Variants in SNTG1 observed in about 807,000 individuals in gnomAD.
SNTG1 encodes the protein syntrophin gamma 1, also known as gamma-1-syntrophin.
A neutral mutation model predicts 74.7 loss-of-function variants in SNTG1; 39 were observed. That is an observed-to-expected ratio of 0.52 (90% CI 0.40 to 0.68). The LOEUF is 0.68. SNTG1 is among the 30% of genes least tolerant of loss of function. The probability of loss-of-function intolerance (pLI) is 0.00; values close to 1 mark genes in which losing one functional copy is unlikely to be tolerated. For missense variants in SNTG1, 685 were observed against 609.5 expected (o/e 1.12, Z -1.30); for synonymous variants, 254 against 217.1 (o/e 1.17, Z -1.49).
chr8:50,214,243 C>T (rs1387579776), intron 2 of SNTG1, among the ~76,000 whole-genome samples: 3 of 116,188 alleles, frequency 2.6e-5, no homozygotes, highest in African/African-American at 6.9e-5. Context: ...GAACATCACA[C>T]TCTGGGGACT....
intron 1 of SNTG1, among the ~76,000 whole-genome samples, chr8:49,925,415 T>G (rs1246371071): frequency 6.6e-6 from 1 of 152,116 alleles, no homozygotes; most frequent in Non-Finnish European, 1.5e-5. Flanking sequence ...CACCAGTTTT[T>G]ACCTGAACTA....
intron 2 of SNTG1, among the ~76,000 whole-genome samples, chr8:50,300,530 ATTC>A (rs1209094610): frequency 6.6e-6 from 1 of 152,172 alleles, no homozygotes; most frequent in Non-Finnish European, 1.5e-5. Context: ...TAAAATTGGT[ATTC>A]TTCTAATAAA....
At chr8:50,670,775 C>T (rs1297912684) in intron 15 of SNTG1, among the ~76,000 whole-genome samples, 7 of 149,698 alleles carry the variant, frequency 4.7e-5, no homozygotes, top group Admixed American at 2.7e-4. Context: ...AGGCATCACG[C>T]TACCTGACTT....
chr8:50,521,030 C>A (rs1446134581), intron 9 of SNTG1, among the ~76,000 whole-genome samples: 1 of 152,164 alleles, frequency 6.6e-6, no homozygotes, highest in Non-Finnish European at 1.5e-5. Flanking sequence ...CCCAACTGCC[C>A]ATCAGTGATA....
intron 1 of SNTG1, among the ~76,000 whole-genome samples, chr8:50,073,604 C>T (rs937924166): frequency 2.6e-5 from 4 of 152,048 alleles, no homozygotes; most frequent in Non-Finnish European, 5.9e-5. Flanking sequence ...CAAAATCCAG[C>T]AGAAGAATCA....
At position 50,402,314 on chromosome 8, in the gene SNTG1, A is replaced by G. The variant is rs2092817077; in HGVS notation, c.132A>G (p.Ile44Met). 6.2e-7 allele frequency: 1 copy of G among 1,611,242 alleles called. No individual in the cohort carries two copies. The highest frequency in any genetic ancestry group is 1.7e-5 in the Admixed American group (1 of 59,328). ...TGATGATCCAGGAACAGGATGTGAT[A>G]TGTGTGTCTGGTGAGCCTTTCTATT... Reference protein sequence around the residue: ...DILMIQEQDVICVSGEPFYSG... With the variant: ...DILMIQEQDVMCVSGEPFYSG... Residue 44 changes from isoleucine (I) to methionine (M), a missense_variant, in exon 4 of 19, where the codon ATA becomes ATG. Transcript: ENST00000642720.
At chr8:49,944,413 A>ATTCTTTCT (rs4006377) in intron 1 of SNTG1, among the ~76,000 whole-genome samples, 6 of 151,708 alleles carry the variant, frequency 4.0e-5, no homozygotes, top group Admixed American at 1.3e-4. Flanking sequence ...CATAACATAC[A>ATTCTTTCT]TTCTTTCTTT....
At chr8:50,763,648 TTGTG>T (rs141415804) in intron 18 of SNTG1, among the ~76,000 whole-genome samples, 10,620 of 116,918 alleles carry the variant, frequency 0.091, 534 homozygotes, top group African/African-American at 0.14. Context: ...ATTGCCTTTA[TTGTG>T]TGTGTGTGTG....
At chr8:50,779,972 T>C (rs1265098388) in intron 18 of SNTG1, among the ~76,000 whole-genome samples, 3 of 152,280 alleles carry the variant, frequency 2.0e-5, no homozygotes, top group East Asian at 3.9e-4. Context: ...ATGTGGTTTT[T>C]GTCTTTGGTT....
At chr8:50,085,117 C>A (rs1339557951) in intron 1 of SNTG1, among the ~76,000 whole-genome samples, 1 of 152,166 alleles carries the variant, frequency 6.6e-6, no homozygotes, top group Non-Finnish European at 1.5e-5. Context: ...GTAATCCTAT[C>A]TGTCCATGTT....
chr8:50,526,173 C>G (rs1169110748), intron 9 of SNTG1, among the ~76,000 whole-genome samples: 1 of 152,166 alleles, frequency 6.6e-6, no homozygotes, highest in African/African-American at 2.4e-5. Context: ...AGCCCCTGAA[C>G]TCTTCTGTGT....
intron 13 of SNTG1, among the ~76,000 whole-genome samples, chr8:50,598,599 T>TA (rs898991612): frequency 1.1e-4 from 16 of 152,116 alleles, no homozygotes; most frequent in Middle Eastern, 3.4e-3. Flanking sequence ...AACATTGCTT[T>TA]AAAAAATCTG....
intron 4 of SNTG1, among the ~76,000 whole-genome samples, chr8:50,411,982 G>A (rs2092955278): frequency 6.6e-6 from 1 of 152,150 alleles, no homozygotes; most frequent in South Asian, 2.1e-4. Context: ...CAGAACAGAT[G>A]CAGTTGGAGG....
intron 1 of SNTG1, among the ~76,000 whole-genome samples, chr8:50,028,200 T>C (rs920423590): frequency 6.6e-6 from 1 of 152,320 alleles, no homozygotes; most frequent in South Asian, 2.1e-4. Context: ...GTTGTATGAA[T>C]GGAATCATAC....
At chr8:50,226,817 T>C (rs992187970) in intron 2 of SNTG1, among the ~76,000 whole-genome samples, 3 of 152,192 alleles carry the variant, frequency 2.0e-5, no homozygotes, top group African/African-American at 7.2e-5. Flanking sequence ...TCCTGAGTGT[T>C]GTGTCATGGA....
At chr8:50,708,200 CA>C (rs985633025) in intron 16 of SNTG1, 525 of 150,346 alleles carry the variant, frequency 3.5e-3, no homozygotes, top group East Asian at 5.2e-3. Context: ...GACTCTGTTT[CA>C]AAAAAAAAAA....
At chr8:50,785,920 A>T (rs2095673648) in intron 18 of SNTG1, among the ~76,000 whole-genome samples, 1 of 151,988 alleles carries the variant, frequency 6.6e-6, no homozygotes, top group South Asian at 2.1e-4. Flanking sequence ...ATACATAATC[A>T]TTGTCATAGA....
intron 1 of SNTG1, among the ~76,000 whole-genome samples, chr8:50,130,859 A>G (rs996626150): frequency 2.6e-5 from 4 of 152,102 alleles, no homozygotes; most frequent in African/African-American, 7.2e-5. Context: ...TTATTGGACA[A>G]CAGTATCATT....
intron 2 of SNTG1, among the ~76,000 whole-genome samples, chr8:50,347,143 G>A (rs187036973): frequency 5.3e-5 from 8 of 152,308 alleles, no homozygotes; most frequent in Admixed American, 3.3e-4. Context: ...CTAATATCTG[G>A]CTTCAAAGCT....
Sources: allele counts gnomAD v4.1 joint callset (sites outside exome capture counted in the v4.1 genomes callset), GRCh38; gene constraint gnomAD v4.1.1; transcripts MANE v1.5; gene names NCBI Gene and HGNC (gene_info 2026-07-23, HGNC 2026-07-21).